The following HPN variants were observed in gnomAD, a reference collection of about 807,000 sequenced individuals.
HPN encodes the protein hepsin, also known as serine protease hepsin.
HPN carries 13 observed loss-of-function variants against 55.9 expected under a neutral mutation model. That is an observed-to-expected ratio of 0.23 (90% CI 0.15 to 0.37). HPN has a LOEUF of 0.37. HPN is among the 10% of genes least tolerant of loss of function. The pLI is 1.00. For missense variants in HPN, 451 were observed against 575.8 expected, an observed-to-expected ratio of 0.78 and a Z score of 2.22; for synonymous variants, 225 against 240.3, an observed-to-expected ratio of 0.94 and a Z score of 0.59.
chr19:35,060,292 G>A (rs2064513730), intron 7 of HPN, 55 bp from the exon 8 acceptor site: 1 of 1,607,366 alleles, frequency 6.2e-7, no homozygotes, highest in Non-Finnish European at 8.5e-7. Flanking sequence ...CCTGGGCTCT[G>A]GGGACCTGGG....
At chr19:35,054,417 CA>C (rs539679133) in intron 4 of HPN, among the ~76,000 whole-genome samples, 5,694 of 103,004 alleles carry the variant, frequency 0.055, 338 homozygotes, top group African/African-American at 0.19. Flanking sequence ...GATTATGTCT[CA>C]AAAAAAAAAA....
At position 35,041,728 on chromosome 19, in the gene HPN, C is replaced by A; in HGVS notation, c.-199C>A. ...CCAGCCCCCTCCTCCTCAGGTGAGG[C>A]AGCCTGGCCTAGCAGGCCCCACGCC... On this transcript the variant is annotated 5_prime_UTR_variant, in exon 1 of 13. Coordinates refer to ENST00000672452, the MANE Select transcript of HPN (RefSeq NM_001384133.1). The A allele has an allele frequency of 8.7e-7, 1 of 1,153,786 alleles. No homozygotes were observed. Among genetic ancestry groups the A allele is most frequent in the South Asian group, 1.5e-5 (1 of 66,312 alleles). The allele number at this position is 1,153,786 out of a possible 1,614,324, so 71.5% of individuals were successfully genotyped here. A position where few individuals can be genotyped will look rare whatever the true frequency, so the allele number is the denominator to read the frequency against.
At chr19:35,050,811 T>C (rs1340117137) in intron 4 of HPN, among the ~76,000 whole-genome samples, 1 of 151,870 alleles carries the variant, frequency 6.6e-6, no homozygotes, top group Admixed American at 6.6e-5. Flanking sequence ...TTAGCATTTG[T>C]ATGCACCAGC....
chr19:35,055,458 A>C (rs1181348235), intron 4 of HPN, among the ~76,000 whole-genome samples: 1 of 151,204 alleles, frequency 6.6e-6, no homozygotes, highest in Non-Finnish European at 1.5e-5. Context: ...TTCACAGCTG[A>C]TCTCTCCCTG....
intron 10 of HPN, 73 bp from the exon 11 acceptor site, chr19:35,065,466 G>A (rs2064595438): frequency 6.3e-7 from 1 of 1,579,416 alleles, no homozygotes; most frequent in African/African-American, 1.3e-5. Flanking sequence ...TGAGGGGAAT[G>A]GGGTGGGCAC....
intron 4 of HPN, among the ~76,000 whole-genome samples, chr19:35,053,309 A>G (rs989941457): frequency 4.6e-5 from 7 of 152,020 alleles, no homozygotes; most frequent in South Asian, 2.1e-4. Context: ...CAGAGCAGTT[A>G]ACAGTCATTT....
intron 9 of HPN, among the ~76,000 whole-genome samples, chr19:35,061,027 T>G (rs891490995): frequency 3.9e-5 from 6 of 152,142 alleles, no homozygotes; most frequent in Non-Finnish European, 8.8e-5. Flanking sequence ...GAAGTATACA[T>G]AAAGTTACCA....
intron 4 of HPN, among the ~76,000 whole-genome samples, chr19:35,054,323 C>T (rs1412770728): frequency 2.6e-5 from 4 of 150,976 alleles, no homozygotes; most frequent in African/African-American, 9.7e-5. Context: ...GAGGCTGAGG[C>T]AGGAGGATCG....
intron 4 of HPN, among the ~76,000 whole-genome samples, chr19:35,053,753 CT>C (rs2064427575): frequency 6.6e-6 from 1 of 151,994 alleles, no homozygotes; most frequent in Non-Finnish European, 1.5e-5. Flanking sequence ...TCAAAACAAA[CT>C]TAAAATAGAA....
At chr19:35,050,554 G>T (rs917371421) in intron 4 of HPN, 2 of 1,275,276 alleles carry the variant, frequency 1.6e-6, no homozygotes, top group South Asian at 1.3e-5. Context: ...GGAATGAATG[G>T]CCACACAAAT....
chr19:35,064,939 A>C (rs1281246315), intron 9 of HPN, among the ~76,000 whole-genome samples: 6 of 152,066 alleles, frequency 3.9e-5, no homozygotes, highest in Non-Finnish European at 5.9e-5. Context: ...CTTCTGCCTC[A>C]GTCTCCCGAG....
Position 35,060,610 on chromosome 19 carries a change from A to G in HPN, c.621-17A>G, listed in dbSNP as rs767525267. On this transcript the variant is annotated splice_polypyrimidine_tract_variant and intron_variant, in intron 8 of 12. Transcript: ENST00000672452. ...GTGCCCAGGCAGGTGGCCACCCTCC[A>G]CCCCTTTCCCTGGTAGGCGGAACCG... 1 of 1,613,024 alleles carries G rather than the reference A, an allele frequency of 6.2e-7. No homozygotes were observed. The highest frequency in any genetic ancestry group is 8.5e-7 in the Non-Finnish European group (1 of 1,179,928).
chr19:35,049,364 G>A lies in HPN; in HGVS notation c.91G>A (p.Ala31Thr). The A allele has an allele frequency of 6.2e-7, 1 of 1,603,584 alleles. No individual in the cohort carries two copies. The highest frequency in any genetic ancestry group is 8.5e-7 in the Non-Finnish European group (1 of 1,173,304). ...TGCGGGGACCCTGCTACTTCTGACA[G>A]CCATCGGGGCGGCATCCTGGGCCAT... ...LTAGTLLLLT[A>T]IGAASWAIVA... Residue 31 changes from alanine (A) to threonine (T), a missense_variant, in exon 3 of 13, where the codon GCC becomes ACC. This residue lies in a region of HPN where 378 missense variants were observed against 445.5 expected (regional missense o/e 0.85). Transcript: ENST00000672452.
chr19:35,062,287 T>C (rs1027124483), intron 9 of HPN, among the ~76,000 whole-genome samples: 7 of 152,160 alleles, frequency 4.6e-5, no homozygotes, highest in African/African-American at 7.2e-5. Context: ...TCGATCATGA[T>C]CATGGTTGCA....
intron 2 of HPN, among the ~76,000 whole-genome samples, chr19:35,047,930 C>T (rs991781499): frequency 3.3e-5 from 5 of 149,622 alleles, no homozygotes; most frequent in African/African-American, 1.2e-4. Context: ...CTTGAGACTG[C>T]AGTGTGCCAT....
intron 4 of HPN, among the ~76,000 whole-genome samples, chr19:35,057,782 C>T (rs1312850790): frequency 6.6e-6 from 1 of 152,162 alleles, no homozygotes; most frequent in Non-Finnish European, 1.5e-5. Context: ...CTTGATTTAG[C>T]CGTTCCACAA....
intron 2 of HPN, among the ~76,000 whole-genome samples, chr19:35,048,996 G>T (rs897083254): frequency 6.6e-6 from 1 of 152,214 alleles, no homozygotes; most frequent in African/African-American, 2.4e-5. Flanking sequence ...TGTCACTGGG[G>T]AGGAGACATT....
chr19:35,055,878 G>GGACCAGCCA (rs1251330764), intron 4 of HPN, among the ~76,000 whole-genome samples: 2 of 152,284 alleles, frequency 1.3e-5, no homozygotes, highest in East Asian at 3.9e-4. Context: ...GCAGCCAGAG[G>GGACCAGCCA]GAGCTGGTGA....
At chr19:35,048,831 G>A (rs2064373581) in intron 2 of HPN, among the ~76,000 whole-genome samples, 1 of 152,170 alleles carries the variant, frequency 6.6e-6, no homozygotes, top group Admixed American at 6.5e-5. Context: ...TGATTTAGGG[G>A]GTATCTAGGG....
Sources: gnomAD v4.1 joint callset for allele counts (sites outside exome capture counted in the v4.1 genomes callset) on GRCh38, gnomAD v4.1.1 for gene constraint, gnomAD v4.1.1 regional missense constraint, MANE v1.5 for transcripts, NCBI Gene and HGNC (gene_info 2026-07-23, HGNC 2026-07-21) for gene names.